RSPH3: variants seen among roughly 807,000 people sequenced by gnomAD.
RSPH3 encodes radial spoke head 3, also known as radial spoke head protein 3 homolog.
A neutral mutation model predicts 43.8 loss-of-function variants in RSPH3; 21 were observed. The observed-to-expected ratio is 0.48, with a 90% confidence interval of 0.34 to 0.69. RSPH3 has a LOEUF of 0.69. RSPH3 is among the 30% of genes least tolerant of loss of function. The pLI, the probability that RSPH3 is intolerant of heterozygous loss-of-function variation, is 0.01. For synonymous variants in RSPH3, 173 were observed against 179.8 expected (o/e 0.96, Z 0.30); for missense variants, 487 against 516.0 (o/e 0.94, Z 0.54).
At position 159,000,008 on chromosome 6, in the gene RSPH3, C is replaced by T. The variant is rs45484795; in HGVS notation, c.-458G>A. 32,984 of 1,542,716 alleles carry T rather than the reference C, an allele frequency of 0.021. 398 individuals are homozygous for T. The highest frequency in any genetic ancestry group is 0.025 in the Middle Eastern group (143 of 5,710). On this transcript the variant is annotated 5_prime_UTR_variant, in exon 1 of 8. Coordinates refer to ENST00000367069, the MANE Select transcript of RSPH3 (RefSeq NM_031924.8). ...GGCCTGCGGGGCAACGGTGGCTGTC[C>T]TTGGCCCGGCTTTGGAATGTGGCTT...
At chr6:158,981,085 A>T (rs12190761) in intron 5 of RSPH3, 149 bp from the exon 6 acceptor site, 12,107 of 679,382 alleles carry the variant, frequency 0.018, 134 homozygotes, top group Middle Eastern at 0.024. Context: ...TTCATCAAAA[A>T]TTTAATGAAT....
In RSPH3 at chr6:158,979,614, A is replaced by C. The variant is rs536554553; in HGVS notation, c.859+1160T>G. 3.3e-5 allele frequency among the ~76,000 whole-genome samples: 5 copies of C among 152,242 alleles called. No homozygotes were observed. In the South Asian group the frequency reaches 1.0e-3, roughly 32 times the overall value. ...CTGTCTATCCTACAGGGTTATTGAGAGTATCAAATGATATCACCTATGAAA... is the reference window on the plus strand; with the variant it reads ...CTGTCTATCCTACAGGGTTATTGAGCGTATCAAATGATATCACCTATGAAA... On this transcript the variant is annotated intron_variant, in intron 6 of 7. Coordinates refer to ENST00000367069, the MANE Select transcript of RSPH3 (RefSeq NM_031924.8).
chr6:158,998,355 G>A (rs1211628915), intron 1 of RSPH3, among the ~76,000 whole-genome samples: 3 of 145,934 alleles, frequency 2.1e-5, no homozygotes, highest in Non-Finnish European at 4.5e-5. Context: ...TGTAGTCCCA[G>A]CTACTTGGGA....
At chr6:158,982,029 G>A (rs546461430) in intron 5 of RSPH3, among the ~76,000 whole-genome samples, 73 of 151,976 alleles carry the variant, frequency 4.8e-4, no homozygotes, top group African/African-American at 1.7e-3. Context: ...AGGGTATAAA[G>A]AAGGGCCTGG....
In RSPH3 at chr6:158,977,790, T is replaced by C; in HGVS notation, c.1005A>G (p.Thr335=). 6.2e-7 allele frequency: 1 copy of C among 1,614,206 alleles called. No individual in the cohort carries two copies. ...RLCMYEHGED[T]HQSPEPEDEP... ...CATCCTCGGGTTCTGGAGACTGATG[T>C]GTGTCTTCCCCATGCTCATACATAC... is the stretch of plus-strand genomic sequence containing the variant. Residue 335 remains threonine (T), a synonymous_variant, in exon 8 of 8, where the codon ACA becomes ACG. Transcript: ENST00000367069.
chr6:158,967,584 T>C, the RSPH3 span, among the ~76,000 whole-genome samples: 36 of 152,346 alleles, frequency 2.4e-4, 1 homozygote, highest in South Asian at 7.2e-3. Context: ...AGTACTTCTA[T>C]AAATGTCTAA....
At chr6:158,980,041 A>G (rs1777980315) in intron 6 of RSPH3, among the ~76,000 whole-genome samples, 1 of 152,242 alleles carries the variant, frequency 6.6e-6, no homozygotes, top group African/African-American at 2.4e-5. Flanking sequence ...TTTGATTTGA[A>G]TAAGTCAGCT....
chr6:158,980,428 C>CA (rs201038721), intron 6 of RSPH3, among the ~76,000 whole-genome samples: 8,845 of 111,654 alleles, frequency 0.079, 328 homozygotes, highest in African/African-American at 0.14. Flanking sequence ...GACTCTGTCT[C>CA]AAAAAAAAAA....
At chr6:158,967,612 T>C in the RSPH3 span, among the ~76,000 whole-genome samples, 1 of 152,214 alleles carries the variant, frequency 6.6e-6, no homozygotes, top group African/African-American at 2.4e-5. Context: ...TAGTTTATAA[T>C]ATATTTCACA....
In RSPH3 at chr6:158,989,774, A is replaced by T. The variant is rs1359988656; in HGVS notation, c.205-3353T>A. Among the ~76,000 whole-genome samples, 2 of 152,188 alleles carry T rather than the reference A, an allele frequency of 1.3e-5. No homozygotes were observed. The highest frequency in any genetic ancestry group is 3.9e-4 in the East Asian group (2 of 5,192). ...ACCTTGATCTTTTTCCAGTGCAGAA[A>T]TCACAAGTCAGAGATAAATCCTTGC... On this transcript the variant is annotated intron_variant, in intron 2 of 7. Transcript: ENST00000367069. This position sits in a 1 kb window ranked among gnomAD's most constrained non-coding sequence, Gnocchi z 4.3.
intron 1 of RSPH3, among the ~76,000 whole-genome samples, chr6:158,995,420 C>G (rs1168742720): frequency 1.3e-5 from 2 of 152,134 alleles, no homozygotes; most frequent in African/African-American, 4.8e-5. Flanking sequence ...GGACTGCACT[C>G]CTCCTGGAGG....
chr6:158,999,565 T>A lies in RSPH3; in HGVS notation c.-15A>T. 2 of 1,607,172 alleles carry A rather than the reference T, an allele frequency of 1.2e-6. No individual in the cohort carries two copies. The highest frequency in any genetic ancestry group is 2.2e-5 in the South Asian group (2 of 90,598). The stretch of plus-strand genomic sequence containing the variant: ...GCTGAGGCCATGTCCGGGGGCTGAC[T>A]GCCTCGCTTTCGGTGGAGCTTGGCT... On this transcript the variant is annotated 5_prime_UTR_variant, in exon 1 of 8. Coordinates refer to ENST00000367069, the MANE Select transcript of RSPH3 (RefSeq NM_031924.8).
chr6:158,998,297 C>CAAA (rs71297000), intron 1 of RSPH3, among the ~76,000 whole-genome samples: 67 of 53,896 alleles, frequency 1.2e-3, no homozygotes, highest in South Asian at 2.5e-3. Context: ...TAAAAAAATA[C>CAAA]AAAAAAAAAA....
chr6:158,963,234 C>T, the RSPH3 span, among the ~76,000 whole-genome samples: 20 of 152,268 alleles, frequency 1.3e-4, no homozygotes, highest in East Asian at 3.9e-3. Context: ...AGTGATAATT[C>T]TTACTCAATT....
chr6:158,999,460 G>A lies in RSPH3; in HGVS notation c.91C>T (p.Arg31Cys), dbSNP rs767754336. 1.3e-6 allele frequency: 2 copies of A among 1,515,056 alleles called. No individual in the cohort carries two copies. The highest frequency in any genetic ancestry group is 1.8e-6 in the Non-Finnish European group (2 of 1,133,712). 93.9% of individuals were successfully genotyped at this position (1,515,056 alleles called of 1,614,324 possible). A position where few individuals can be genotyped will look rare whatever the true frequency, so the allele number is the denominator to read the frequency against. The change falls in exon 1 of 8, where the codon CGT (arginine) becomes TGT (cysteine). Residue 31 changes from arginine to cysteine, a missense_variant. Physicochemically the swap from Arg to Cys is radical, Grantham distance 180 (BLOSUM62 -3). Transcript: ENST00000367069. ...RPRALPCQRS[R>C]YRDSLTQPDE... ...GGCTGCGTCAGGCTGTCCCGGTAAC[G>A]GCTGCGCTGGCAGGGCAGTGCTCGG...
intron 5 of RSPH3, 144 bp from the exon 6 acceptor site, chr6:158,981,080 C>A (rs781495770): frequency 1.4e-5 from 10 of 712,624 alleles, no homozygotes; most frequent in South Asian, 1.4e-4. Context: ...TATTTTTCAT[C>A]AAAAATTTAA....
the RSPH3 span, among the ~76,000 whole-genome samples, chr6:158,965,102 T>C: frequency 6.6e-6 from 1 of 152,172 alleles, no homozygotes; most frequent in African/African-American, 2.4e-5. Context: ...CAAAAATTAA[T>C]TGACCATAGA....
chr6:158,987,994 T>C (rs143930638), intron 2 of RSPH3, among the ~76,000 whole-genome samples: 1 of 152,332 alleles, frequency 6.6e-6, no homozygotes, highest in East Asian at 1.9e-4. Flanking sequence ...TTTGGCACAT[T>C]AGTGTTTTTT....
intron 2 of RSPH3, among the ~76,000 whole-genome samples, chr6:158,990,955 C>T (rs374960729): frequency 7.1e-6 from 1 of 141,076 alleles, no homozygotes; most frequent in East Asian, 2.0e-4. Flanking sequence ...ATTGATTCTT[C>T]TTCAAATTTA....
Sources: gnomAD v4.1 joint callset for allele counts (sites outside exome capture counted in the v4.1 genomes callset) on GRCh38, gnomAD v4.1.1 for gene constraint, Gnocchi (gnomAD v3.1) non-coding constraint, MANE v1.5 for transcripts, NCBI Gene and HGNC (gene_info 2026-07-23, HGNC 2026-07-21) for gene names.